PCDHA1: variants seen among roughly 807,000 people sequenced by gnomAD.
PCDHA1 encodes protocadherin alpha 1.
PCDHA1 carries 42 observed loss-of-function variants against 61.3 expected under a neutral mutation model. The observed-to-expected ratio is 0.69, with a 90% CI of 0.54 to 0.89. The LOEUF is 0.89. Ranked by LOEUF, PCDHA1 falls within the 40% of genes least tolerant of loss-of-function variation. The pLI is 0.00. For missense variants in PCDHA1, 1,256 were observed against 1,235.3 expected (o/e 1.02, Z -0.25); for synonymous variants, 610 against 553.8 (o/e 1.10, Z -1.43).
intron 3 of PCDHA1, among the ~76,000 whole-genome samples, chr5:140,989,670 C>T (rs907417768): frequency 6.6e-6 from 1 of 152,104 alleles, no homozygotes; most frequent in African/African-American, 2.4e-5. Flanking sequence ...GAAACTCTGC[C>T]CAGATTTCAA....
At chr5:140,807,244 TCTC>T (rs782209720) in intron 1 of PCDHA1, 95 of 1,614,072 alleles carry the variant, frequency 5.9e-5, no homozygotes, top group South Asian at 1.5e-4. Context: ...TCTTACTTCT[TCTC>T]CTCGCAGCCT....
At chr5:140,921,080 A>G (rs1329038497) in intron 1 of PCDHA1, among the ~76,000 whole-genome samples, 1 of 152,008 alleles carries the variant, frequency 6.6e-6, no homozygotes. Context: ...CTTGGGCTCA[A>G]GAGAATCCTC....
chr5:140,957,778 A>G (rs1554223119), intron 1 of PCDHA1, among the ~76,000 whole-genome samples: 4 of 152,122 alleles, frequency 2.6e-5, no homozygotes, highest in African/African-American at 9.7e-5. Context: ...AGTAAAAACT[A>G]AGTTCATCAT....
At chr5:140,925,994 G>C (rs1041576118) in intron 1 of PCDHA1, among the ~76,000 whole-genome samples, 1 of 152,138 alleles carries the variant, frequency 6.6e-6, no homozygotes, top group Non-Finnish European at 1.5e-5. Context: ...CGCTGGCTCC[G>C]CTGCCTCGAA....
intron 1 of PCDHA1, among the ~76,000 whole-genome samples, chr5:140,905,859 A>T (rs2072155643): frequency 1.3e-5 from 2 of 152,192 alleles, no homozygotes; most frequent in Non-Finnish European, 2.9e-5. Context: ...GTATTAACTC[A>T]CACAATCACA....
chr5:140,983,076 T>A (rs1390525890), intron 3 of PCDHA1, among the ~76,000 whole-genome samples: 1 of 152,168 alleles, frequency 6.6e-6, no homozygotes, highest in Non-Finnish European at 1.5e-5. Context: ...TTGTTTTGAG[T>A]TCAAGTCAAA....
intron 3 of PCDHA1, among the ~76,000 whole-genome samples, chr5:140,988,745 G>A (rs943188955): frequency 3.9e-5 from 6 of 152,152 alleles, no homozygotes; most frequent in Non-Finnish European, 5.9e-5. Flanking sequence ...TCTAGGATTG[G>A]TGGCCTGGGC....
chr5:140,952,303 AC>A (rs1554220328), intron 1 of PCDHA1, among the ~76,000 whole-genome samples: 1 of 147,998 alleles, frequency 6.8e-6, no homozygotes, highest in African/African-American at 2.5e-5. Flanking sequence ...CAGCCATTTC[AC>A]TCCAGCCTGG....
At chr5:140,945,705 A>G (rs868920609) in intron 1 of PCDHA1, among the ~76,000 whole-genome samples, 5 of 152,154 alleles carry the variant, frequency 3.3e-5, no homozygotes, top group South Asian at 2.1e-4. Flanking sequence ...GATTTGCAAC[A>G]AAAGTATCAA....
At chr5:141,000,412 TATATATA>T (rs1563651366) in intron 3 of PCDHA1, among the ~76,000 whole-genome samples, 7 of 102,770 alleles carry the variant, frequency 6.8e-5, no homozygotes, top group African/African-American at 2.7e-4. Context: ...TATATATATA[TATATATA>T]TATTTTTTTT....
intron 1 of PCDHA1, chr5:140,882,570 A>G (rs1562776435): frequency 6.2e-7 from 1 of 1,614,240 alleles, no homozygotes. Flanking sequence ...CGGAGCGCGG[A>G]GTGCAGCATC....
At chr5:140,829,637 A>C in intron 1 of PCDHA1, 5 of 1,612,300 alleles carry the variant, frequency 3.1e-6, no homozygotes, top group Non-Finnish European at 4.2e-6. Context: ...GGAGAGCGGC[A>C]AGGTGTACGC....
chr5:140,858,010 C>A, intron 1 of PCDHA1: 2 of 1,596,490 alleles, frequency 1.3e-6, no homozygotes, highest in Middle Eastern at 3.3e-4. Flanking sequence ...AGGACCATGG[C>A]GAGCCGTCGC....
At chr5:140,850,643 G>T in intron 1 of PCDHA1, 1 of 1,598,690 alleles carries the variant, frequency 6.3e-7, no homozygotes, top group Non-Finnish European at 8.6e-7. Flanking sequence ...TCACGCTGCT[G>T]CTGTACACTG....
intron 1 of PCDHA1, chr5:140,884,351 G>A: frequency 6.2e-7 from 1 of 1,613,946 alleles, no homozygotes; most frequent in Non-Finnish European, 8.5e-7. Context: ...GGCGCTGGTG[G>A]ATGTCAATGT....
intron 3 of PCDHA1, among the ~76,000 whole-genome samples, chr5:141,000,512 CCTT>C (rs1340468179): frequency 2.1e-5 from 3 of 144,282 alleles, no homozygotes; most frequent in Non-Finnish European, 4.5e-5. Context: ...ACTGCAACCT[CCTT>C]CTCCAGGGTT....
At chr5:140,855,892 G>T (rs1227119052) in intron 1 of PCDHA1, 2 of 1,011,396 alleles carry the variant, frequency 2.0e-6, no homozygotes, top group Non-Finnish European at 1.4e-6. Flanking sequence ...TAGAACAAAG[G>T]CATCAGCCAG....
chr5:140,807,616 G>A (rs113425597), intron 1 of PCDHA1: 1 of 1,614,130 alleles, frequency 6.2e-7, no homozygotes, highest in Admixed American at 1.7e-5. Flanking sequence ...TGTCCATCGC[G>A]GAATCCAGGC....
At chr5:140,966,798 C>T in intron 1 of PCDHA1, 1 of 1,537,636 alleles carries the variant, frequency 6.5e-7, no homozygotes, top group Non-Finnish European at 8.7e-7. Context: ...CCTGCGGCGA[C>T]AGAGCATCCA....
Sources: allele counts gnomAD v4.1 joint callset (sites outside exome capture counted in the v4.1 genomes callset), GRCh38; gene constraint gnomAD v4.1.1; transcripts MANE v1.5; gene names NCBI Gene and HGNC (gene_info 2026-07-23, HGNC 2026-07-21).